The following SGIP1 variants were observed in gnomAD, a reference collection of about 807,000 sequenced individuals.
SGIP1 encodes SH3-containing GRB2-like protein 3-interacting protein 1.
A neutral mutation model predicts 107.5 loss-of-function variants in SGIP1; 38 were observed. The observed-to-expected ratio is 0.35, with a 90% confidence interval of 0.27 to 0.46. The LOEUF (loss-of-function observed/expected upper bound fraction) is 0.46, where lower values mean the gene tolerates loss of function less well. Among genes scored for constraint, SGIP1 ranks in the 20% least tolerant of loss-of-function variants. The pLI is 1.00. For synonymous variants in SGIP1, 365 were observed against 366.1 expected, an observed-to-expected ratio of 1.00 and a Z score of 0.03; for missense variants, 929 against 1,019.5, an observed-to-expected ratio of 0.91 and a Z score of 1.21.
chr1:66,687,749 G>A (rs2088782730), intron 15 of SGIP1, among the ~76,000 whole-genome samples: 1 of 152,160 alleles, frequency 6.6e-6, no homozygotes, highest in African/African-American at 2.4e-5. Context: ...TACATGTAAA[G>A]TGCTTAGCGT....
chr1:66,681,989 G>T lies in SGIP1; in HGVS notation c.935G>T (p.Trp312Leu), dbSNP rs766391289. 6.2e-7 allele frequency: 1 copy of T among 1,614,062 alleles called. No homozygotes were observed. The highest frequency in any genetic ancestry group is 1.3e-5 in the African/African-American group (1 of 74,930). The part of the protein sequence containing the change: ...KSVAVNAEEK[W>L]VHFSDTSPEH... ...GTTGCTGTTAATGCTGAAGAAAAGT[G>T]GGTCCATTTTTCTGATACATCCCCG... The change falls in exon 15 of 25, where the codon TGG becomes TTG. Residue 312 changes from tryptophan to leucine, a missense_variant. Physicochemically the swap from Trp to Leu is moderately conservative, Grantham distance 61. This residue lies in a region of SGIP1 where 588 missense variants were observed against 588.6 expected (regional missense o/e 1.00). Coordinates refer to ENST00000371037, the MANE Select transcript of SGIP1 (RefSeq NM_032291.4).
chr1:66,719,231 AT>A (rs1415241673), intron 18 of SGIP1, 62 bp from the exon 19 acceptor site: 27 of 1,115,310 alleles, frequency 2.4e-5, no homozygotes, highest in Non-Finnish European at 3.3e-5. Flanking sequence ...TGGGCTTTTA[AT>A]TTCACATATA....
chr1:66,691,959 G>C (rs548109531), intron 17 of SGIP1, among the ~76,000 whole-genome samples: 122 of 152,246 alleles, frequency 8.0e-4, no homozygotes, highest in African/African-American at 2.8e-3. Flanking sequence ...AGGAGTTCAA[G>C]ACCAGCCTGG....
chr1:66,677,375 A>T (rs1423111736), intron 13 of SGIP1, among the ~76,000 whole-genome samples: 1 of 152,218 alleles, frequency 6.6e-6, no homozygotes, highest in African/African-American at 2.4e-5. Flanking sequence ...ATTGTACGTA[A>T]GTAAGAATAA....
upstream of SGIP1, chr1:66,534,065 T>C (rs1449645906): frequency 2.1e-5 from 11 of 512,994 alleles, no homozygotes; most frequent in Non-Finnish European, 3.5e-5. Context: ...GGCTACCATG[T>C]GACGCGGTCC....
intron 1 of SGIP1, among the ~76,000 whole-genome samples, chr1:66,541,529 T>C (rs1314827920): frequency 1.3e-5 from 2 of 152,234 alleles, no homozygotes; most frequent in African/African-American, 4.8e-5. Context: ...TTGAACATTT[T>C]CACAGAAAAG....
At chr1:66,695,919 C>T (rs1355703622) in intron 18 of SGIP1, among the ~76,000 whole-genome samples, 1 of 152,072 alleles carries the variant, frequency 6.6e-6, no homozygotes, top group African/African-American at 2.4e-5. Flanking sequence ...ATTTTAGATG[C>T]AACATGCATT....
chr1:66,661,705 C>A (rs893862374), intron 8 of SGIP1, among the ~76,000 whole-genome samples: 1 of 152,234 alleles, frequency 6.6e-6, no homozygotes, highest in East Asian at 1.9e-4. Context: ...TTCATTTATT[C>A]TTGTAGACCC....
chr1:66,626,162 T>A lies in SGIP1; in HGVS notation c.74+252T>A, dbSNP rs1321142329. ...CTTTTTTTTTTTTTTTTTTTTTTGATCATTACACTTCCCAGCAGTCTCAGG... is the reference window on the plus strand; with the variant it reads ...CTTTTTTTTTTTTTTTTTTTTTTGAACATTACACTTCCCAGCAGTCTCAGG... On this transcript the variant is annotated intron_variant, in intron 2 of 24. Coordinates refer to ENST00000371037, the MANE Select transcript of SGIP1 (RefSeq NM_032291.4). 3.3e-5 allele frequency: 8 copies of A among 239,496 alleles called. 1 individual carries two copies. The Admixed American group carries it at 5.0e-4, about 15-fold the overall frequency. 14.8% of individuals were successfully genotyped at this position (239,496 alleles called of 1,614,324 possible). A position where few individuals can be genotyped will look rare whatever the true frequency, so the allele number is the denominator to read the frequency against.
intron 1 of SGIP1, among the ~76,000 whole-genome samples, chr1:66,556,839 C>G (rs1335748619): frequency 3.9e-5 from 6 of 152,088 alleles, no homozygotes; most frequent in Non-Finnish European, 7.4e-5. Flanking sequence ...TATTTTTGCT[C>G]TACTTGAAAG....
intron 1 of SGIP1, among the ~76,000 whole-genome samples, chr1:66,614,236 C>G (rs1255427943): frequency 6.6e-6 from 1 of 152,182 alleles, no homozygotes; most frequent in East Asian, 1.9e-4. Flanking sequence ...AATAAATCTG[C>G]AAGCCTGCCA....
Position 66,729,355 on chromosome 1 carries a change from A to T in SGIP1, c.1834A>T (p.Thr612Ser). The T allele has an allele frequency of 1.9e-6, 3 of 1,614,058 alleles. No homozygotes were observed. The highest frequency in any genetic ancestry group is 2.5e-6 in the Non-Finnish European group (3 of 1,179,990). Residue 612 changes from threonine to serine, a missense_variant, in exon 20 of 25, where the codon ACT becomes TCT. Physicochemically the swap from Thr to Ser is moderately conservative, Grantham distance 58 (BLOSUM62 1). This residue lies in a region of SGIP1 where 341 missense variants were observed against 430.9 expected (regional missense o/e 0.79). Transcript: ENST00000371037. ...CAACAACCCGTCCCCAGCTGCTCTG[A>T]CTTTTCGGGTGATAAATTTCAGCAG... Reference protein sequence around the residue: ...FANNPSPAALTFRVINFSRLE... With the variant: ...FANNPSPAALSFRVINFSRLE...
chr1:66,661,323 C>G (rs6670827), intron 8 of SGIP1, among the ~76,000 whole-genome samples: 1 of 151,904 alleles, frequency 6.6e-6, no homozygotes, highest in Non-Finnish European at 1.5e-5. Context: ...AACAAGTGAC[C>G]GGTTTGTTGT....
At chr1:66,553,674 CA>C (rs112976290) in intron 1 of SGIP1, among the ~76,000 whole-genome samples, 20,168 of 94,852 alleles carry the variant, frequency 0.21, 1,253 homozygotes, top group South Asian at 0.24. Flanking sequence ...AGACTCCAGT[CA>C]AAAAAAAAAA....
chr1:66,616,446 GT>G (rs1201357761), intron 1 of SGIP1, among the ~76,000 whole-genome samples: 1 of 152,132 alleles, frequency 6.6e-6, no homozygotes, highest in East Asian at 1.9e-4. Context: ...TATTTTAGGT[GT>G]CGTACTGGGT....
At chr1:66,698,131 T>G (rs1359973034) in intron 18 of SGIP1, among the ~76,000 whole-genome samples, 1 of 152,240 alleles carries the variant, frequency 6.6e-6, no homozygotes, top group Admixed American at 6.5e-5. Context: ...AGTCAATGTT[T>G]GAGCTACTGA....
chr1:66,633,982 C>T (rs186061657), intron 3 of SGIP1: 64 of 1,009,168 alleles, frequency 6.3e-5, no homozygotes, highest in Admixed American at 2.3e-4. Flanking sequence ...AGCTTTGGGG[C>T]GCCTTTTGCC....
intron 7 of SGIP1, among the ~76,000 whole-genome samples, chr1:66,647,317 T>C (rs1276922912): frequency 6.6e-6 from 1 of 152,184 alleles, no homozygotes; most frequent in African/African-American, 2.4e-5. Context: ...TGGTTTTCTT[T>C]AAGAGTTTAA....
At chr1:66,693,284 A>AAATG (rs1479297873) in intron 17 of SGIP1, among the ~76,000 whole-genome samples, 11 of 151,286 alleles carry the variant, frequency 7.3e-5, no homozygotes, top group African/African-American at 2.4e-4. Context: ...ATAAATAAAT[A>AAATG]AAAAACAGTA....
Sources: gnomAD v4.1 joint callset for allele counts (sites outside exome capture counted in the v4.1 genomes callset) on GRCh38, gnomAD v4.1.1 for gene constraint, gnomAD v4.1.1 regional missense constraint, MANE v1.5 for transcripts, NCBI Gene and HGNC (gene_info 2026-07-23, HGNC 2026-07-21) for gene names.